The following REC114 variants were observed in gnomAD, a reference collection of about 807,000 sequenced individuals.
REC114 encodes the protein meiotic recombination protein REC114.
Under a neutral mutation model 31.3 loss-of-function variants are expected in REC114, and 27 were observed. The observed-to-expected ratio is 0.86, with a 90% CI of 0.64 to 1.19. The LOEUF (loss-of-function observed/expected upper bound fraction) is 1.19. Ranked by LOEUF, REC114 falls within the 50% of genes most tolerant of loss-of-function variation. REC114 has a pLI of 0.00. For synonymous variants in REC114, 134 were observed against 127.7 expected (o/e 1.05, Z -0.33); for missense variants, 344 against 326.9 (o/e 1.05, Z -0.40).
chr15:73,468,847 C>T (rs1014010068), intron 1 of REC114, among the ~76,000 whole-genome samples: 1 of 151,960 alleles, frequency 6.6e-6, no homozygotes, highest in Non-Finnish European at 1.5e-5. Flanking sequence ...AATATGTTAA[C>T]ATGGTGAATA....
At chr15:73,535,186 T>C (rs369639803) in intron 2 of REC114, among the ~76,000 whole-genome samples, 4 of 147,282 alleles carry the variant, frequency 2.7e-5, no homozygotes, top group Non-Finnish European at 4.5e-5. Flanking sequence ...CCAGGGCAAT[T>C]AGTCAGGAGA....
intron 1 of REC114, among the ~76,000 whole-genome samples, chr15:73,458,935 A>G (rs970771159): frequency 6.6e-6 from 1 of 152,234 alleles, no homozygotes; most frequent in East Asian, 1.9e-4. Context: ...GGTAACTGGC[A>G]GTCTGCCACA....
At chr15:73,519,059 T>C (rs79344189) in intron 2 of REC114, among the ~76,000 whole-genome samples, 1,641 of 152,318 alleles carry the variant, frequency 0.011, 35 homozygotes, top group African/African-American at 0.038. Flanking sequence ...TTAGGATGGC[T>C]GCTATAAAAC....
intron 2 of REC114, among the ~76,000 whole-genome samples, chr15:73,498,097 G>T (rs1893552656): frequency 6.6e-6 from 1 of 151,526 alleles, no homozygotes; most frequent in Non-Finnish European, 1.5e-5. Context: ...GTTATCTCTG[G>T]TGTACTTTAA....
intron 2 of REC114, among the ~76,000 whole-genome samples, chr15:73,497,941 A>T (rs1027190392): frequency 6.6e-6 from 1 of 152,228 alleles, no homozygotes; most frequent in Admixed American, 6.5e-5. Flanking sequence ...CTAGAATATC[A>T]TGCAATAGTA....
At chr15:73,444,077 C>T (rs974948408) in intron 1 of REC114, among the ~76,000 whole-genome samples, 1 of 152,178 alleles carries the variant, frequency 6.6e-6, no homozygotes, top group African/African-American at 2.4e-5. Context: ...TACTTTATTG[C>T]TAAAAAATGC....
chr15:73,481,724 T>C lies in REC114; in HGVS notation c.249+7803T>C, dbSNP rs1299163461. Among the ~76,000 whole-genome samples the C allele has an allele frequency of 2.1e-5, 3 of 143,760 alleles. No homozygotes were observed. In the East Asian group the frequency reaches 6.4e-4, roughly 30 times the overall value. 94.3% of individuals were successfully genotyped at this position (143,760 alleles called of 152,430 possible). On this transcript the variant is annotated intron_variant, in intron 2 of 5. Coordinates refer to ENST00000331090, the MANE Select transcript of REC114 (RefSeq NM_001042367.2). ...CCTAGGCTGGAGTGCAGTGGAACAGTCTCGGCTCACCGCAACCTCTGCCTC... is the reference window on the plus strand; with the variant it reads ...CCTAGGCTGGAGTGCAGTGGAACAGCCTCGGCTCACCGCAACCTCTGCCTC...
intron 2 of REC114, among the ~76,000 whole-genome samples, chr15:73,491,636 G>A (rs1226963342): frequency 3.3e-5 from 5 of 152,146 alleles, no homozygotes; most frequent in South Asian, 4.1e-4. Flanking sequence ...AATGGCTCAC[G>A]CCTGTAATCC....
chr15:73,496,675 A>G (rs1427383824), intron 2 of REC114, among the ~76,000 whole-genome samples: 2 of 151,882 alleles, frequency 1.3e-5, no homozygotes, highest in Non-Finnish European at 2.9e-5. Context: ...AAAAATTGCA[A>G]ACGTAGTATA....
At chr15:73,535,383 G>A (rs1165661649) in intron 2 of REC114, among the ~76,000 whole-genome samples, 2 of 151,826 alleles carry the variant, frequency 1.3e-5, no homozygotes, top group Non-Finnish European at 2.9e-5. Flanking sequence ...TTATACACCA[G>A]CAACAGACAA....
chr15:73,468,132 T>C (rs1893086372), intron 1 of REC114, among the ~76,000 whole-genome samples: 1 of 152,254 alleles, frequency 6.6e-6, no homozygotes, highest in Non-Finnish European at 1.5e-5. Context: ...CTATGTAAGA[T>C]AACATATTAC....
chr15:73,529,816 C>T (rs1894052783), intron 2 of REC114, among the ~76,000 whole-genome samples: 1 of 152,136 alleles, frequency 6.6e-6, no homozygotes, highest in Non-Finnish European at 1.5e-5. Flanking sequence ...TTCCCCTAGA[C>T]TCCCAGCTCC....
chr15:73,450,391 G>T (rs760530531), intron 1 of REC114, among the ~76,000 whole-genome samples: 1 of 150,148 alleles, frequency 6.7e-6, no homozygotes, highest in African/African-American at 2.4e-5. Flanking sequence ...AGAGACAAGA[G>T]CGTTACATAA....
At chr15:73,558,099 G>C (rs974631655) in intron 5 of REC114, among the ~76,000 whole-genome samples, 2 of 152,130 alleles carry the variant, frequency 1.3e-5, no homozygotes, top group Non-Finnish European at 2.9e-5. Context: ...AAGCACTTTG[G>C]GGGGCTGAGG....
chr15:73,470,363 G>A (rs1893117626), intron 1 of REC114, among the ~76,000 whole-genome samples: 1 of 152,060 alleles, frequency 6.6e-6, no homozygotes, highest in Non-Finnish European at 1.5e-5. Flanking sequence ...ATTCTTTTGT[G>A]GAGATCTTAG....
chr15:73,535,015 T>G (rs1275564937), intron 2 of REC114, among the ~76,000 whole-genome samples: 1 of 141,698 alleles, frequency 7.1e-6, no homozygotes, highest in Non-Finnish European at 1.5e-5. Flanking sequence ...AATTAGGTAT[T>G]GATGGGACGT....
chr15:73,512,957 C>A (rs1046564863), intron 2 of REC114, among the ~76,000 whole-genome samples: 1 of 151,572 alleles, frequency 6.6e-6, no homozygotes, highest in African/African-American at 2.4e-5. Flanking sequence ...ATCTTTGTGG[C>A]GTTCTCTGTA....
intron 2 of REC114, among the ~76,000 whole-genome samples, chr15:73,513,024 A>T (rs1250029006): frequency 6.6e-6 from 1 of 151,136 alleles, no homozygotes; most frequent in Non-Finnish European, 1.5e-5. Flanking sequence ...CTCCTGGATA[A>T]TATCCTACAG....
At chr15:73,524,625 T>TC (rs907098621) in intron 2 of REC114, among the ~76,000 whole-genome samples, 7 of 151,796 alleles carry the variant, frequency 4.6e-5, no homozygotes, top group Non-Finnish European at 7.4e-5. Flanking sequence ...GGAGACAGAG[T>TC]CTCACTCTGT....
Sources: gnomAD v4.1 joint callset for allele counts (sites outside exome capture counted in the v4.1 genomes callset) on GRCh38, gnomAD v4.1.1 for gene constraint, MANE v1.5 for transcripts, NCBI Gene and HGNC (gene_info 2026-07-23, HGNC 2026-07-21) for gene names.